The following TDRD9 variants were observed in gnomAD, a reference collection of about 807,000 sequenced individuals.
TDRD9 encodes ATP-dependent RNA helicase TDRD9.
Under a neutral mutation model 172.6 loss-of-function variants are expected in TDRD9, and 124 were observed. That is an observed-to-expected ratio of 0.72 (90% CI 0.62 to 0.83). The LOEUF is 0.83. TDRD9 is among the 40% of genes least tolerant of loss of function. The probability of loss-of-function intolerance (pLI) is 0.00; values close to 1 mark genes in which losing one functional copy is unlikely to be tolerated. For missense variants in TDRD9, 1,479 were observed against 1,714.1 expected, an observed-to-expected ratio of 0.86 and a Z score of 2.42; for synonymous variants, 619 against 617.1, an observed-to-expected ratio of 1.00 and a Z score of -0.05.
At chr14:104,009,633 AACTTGATAAACT>A (rs1283382534) in intron 20 of TDRD9, among the ~76,000 whole-genome samples, 1 of 152,220 alleles carries the variant, frequency 6.6e-6, no homozygotes, top group East Asian at 1.9e-4. Context: ...AACTTTTTTT[AACTTGATAAACT>A]TTTTAATTAA....
chr14:103,980,963 A>G lies in TDRD9; in HGVS notation c.1012-5254A>G, dbSNP rs2033450983. On this transcript the variant is annotated intron_variant, in intron 7 of 35. Coordinates refer to ENST00000409874, the MANE Select transcript of TDRD9 (RefSeq NM_153046.3). The surrounding 1 kb of genome is among the most constrained non-coding windows in gnomAD (Gnocchi z 4.5). ...ATTGTAGAGCGAGAATTATTATAAT[A>G]TTGGAATAAAGAGTAATTACTACAA... is the stretch of plus-strand genomic sequence containing the variant. Among the ~76,000 whole-genome samples, 1 of 151,954 alleles carries G rather than the reference A, an allele frequency of 6.6e-6. No individual in the cohort carries two copies. The highest frequency in any genetic ancestry group is 6.5e-5 in the Admixed American group (1 of 15,274).
At chr14:103,999,642 GAAAACCT>G (rs1468942518) in intron 13 of TDRD9, among the ~76,000 whole-genome samples, 7 of 126,040 alleles carry the variant, frequency 5.6e-5, no homozygotes, top group African/African-American at 6.2e-5. Context: ...TTGTTTTTTA[GAAAACCT>G]TTTGGGAAGG....
chr14:104,001,391 G>T (rs1358971478), intron 13 of TDRD9, among the ~76,000 whole-genome samples: 1 of 152,198 alleles, frequency 6.6e-6, no homozygotes, highest in Non-Finnish European at 1.5e-5. Flanking sequence ...GCCAATACAA[G>T]CTGCACGTAG....
At position 103,991,361 on chromosome 14, in the gene TDRD9, G is replaced by T. The variant is rs78339963; in HGVS notation, c.1180+137G>T. 4.5e-3 allele frequency: 3,987 copies of T among 883,146 alleles called. 112 individuals are homozygous for T. In the African/African-American group the frequency reaches 0.063, roughly 14 times the overall value. The allele number at this position is 883,146 out of a possible 1,614,324, so 54.7% of individuals were successfully genotyped here. Reference sequence around the variant, plus strand: ...TTACACTTTGAGTATGTGAACAAATGTAACTTTCAGTTTGGCTTTTTATTG... The same window carrying T: ...TTACACTTTGAGTATGTGAACAAATTTAACTTTCAGTTTGGCTTTTTATTG... On this transcript the variant is annotated intron_variant, in intron 9 of 35. Transcript: ENST00000409874.
At position 103,938,907 on chromosome 14, in the gene TDRD9, C is replaced by A. The variant is rs770762228; in HGVS notation, c.215+10183C>A. ...CAGTTTTAAATGACGTATACCAATA[C>A]CCTCACAGGATATGAGTATTAGGTT... On this transcript the variant is annotated intron_variant, in intron 1 of 35. Coordinates refer to ENST00000409874, the MANE Select transcript of TDRD9 (RefSeq NM_153046.3). 6.6e-5 allele frequency among the ~76,000 whole-genome samples: 10 copies of A among 152,118 alleles called. No individual in the cohort carries two copies. The South Asian group carries it at 8.3e-4, about 13-fold the overall frequency.
chr14:104,014,641 G>A (rs888533769), intron 20 of TDRD9, 84 bp from the exon 21 acceptor site: 21 of 738,078 alleles, frequency 2.8e-5, no homozygotes, highest in Middle Eastern at 2.6e-4. Context: ...TACTTTACCC[G>A]TTGTGCACTT....
At chr14:103,950,611 G>A (rs775588874) in intron 1 of TDRD9, among the ~76,000 whole-genome samples, 3 of 152,200 alleles carry the variant, frequency 2.0e-5, no homozygotes, top group Non-Finnish European at 2.9e-5. Flanking sequence ...ATTTGATCAC[G>A]GGAGGTTAGA....
chr14:103,971,173 C>T (rs765306306), intron 6 of TDRD9, among the ~76,000 whole-genome samples: 13 of 150,600 alleles, frequency 8.6e-5, no homozygotes, highest in East Asian at 2.0e-4. Flanking sequence ...TTAGTAGAGG[C>T]GGGGTTTCAT....
chr14:104,050,843 T>C (rs906127173), intron 35 of TDRD9, among the ~76,000 whole-genome samples: 1 of 152,236 alleles, frequency 6.6e-6, no homozygotes, highest in Non-Finnish European at 1.5e-5. Context: ...ACTTTGAGGT[T>C]AGTATGTTTT....
intron 11 of TDRD9, among the ~76,000 whole-genome samples, chr14:103,994,954 A>C (rs80032934): frequency 2.3e-5 from 1 of 44,000 alleles, no homozygotes; most frequent in African/African-American, 4.3e-5. Flanking sequence ...GTCTCAAAAC[A>C]AAAAAAAAAA....
At chr14:104,005,907 G>C (rs1169791240) in intron 15 of TDRD9, among the ~76,000 whole-genome samples, 1 of 152,168 alleles carries the variant, frequency 6.6e-6, no homozygotes, top group Admixed American at 6.5e-5. Flanking sequence ...CAAACACTGG[G>C]CTCAAGTGAC....
At chr14:104,035,131 C>G in intron 32 of TDRD9, 75 bp downstream of exon 32, 1 of 1,195,354 alleles carries the variant, frequency 8.4e-7, no homozygotes, top group South Asian at 1.3e-5. Flanking sequence ...CCTCTCCTTG[C>G]TCCTTTTGGA....
chr14:104,037,483 C>T lies in TDRD9; in HGVS notation c.3716+2427C>T, dbSNP rs576027382. Among the ~76,000 whole-genome samples the T allele has an allele frequency of 5.3e-5, 8 of 152,290 alleles. No homozygotes were observed. In the South Asian group the frequency reaches 8.3e-4, roughly 16 times the overall value. ...TCCTGTCACAACTGATTCAACTTTA[C>T]GACTAAGTGATAATTTTTTACCACC... On this transcript the variant is annotated intron_variant, in intron 32 of 35. Coordinates refer to ENST00000409874, the MANE Select transcript of TDRD9 (RefSeq NM_153046.3).
chr14:103,956,106 AAAAAAATATATATATATATATATAT>A (rs2032203702), intron 2 of TDRD9, among the ~76,000 whole-genome samples: 2 of 43,114 alleles, frequency 4.6e-5, no homozygotes, highest in African/African-American at 9.8e-5. Flanking sequence ...AAAAAAAAAA[AAAAAAATATATATATATATATATAT>A]ATATATATAT....
chr14:103,933,780 C>T (rs1205664804), intron 1 of TDRD9, among the ~76,000 whole-genome samples: 2 of 152,190 alleles, frequency 1.3e-5, no homozygotes, highest in Non-Finnish European at 2.9e-5. Context: ...GGCATTGTGT[C>T]AGGTGACACA....
In TDRD9 at chr14:103,997,921, G is replaced by C. The variant is rs1312722991; in HGVS notation, c.1379-703G>C. On this transcript the variant is annotated intron_variant, in intron 12 of 35. Coordinates refer to ENST00000409874, the MANE Select transcript of TDRD9 (RefSeq NM_153046.3). This position sits in a 1 kb window ranked among gnomAD's most constrained non-coding sequence, Gnocchi z 5.1. ...GAAAGGATGGGAAGAAATGAACAAA[G>C]AACCGGTGGCGGCACACAACACTCC... 6.6e-6 allele frequency among the ~76,000 whole-genome samples: 1 copy of C among 152,122 alleles called. No individual in the cohort carries two copies. The highest frequency in any genetic ancestry group is 1.5e-5 in the Non-Finnish European group (1 of 68,006).
intron 32 of TDRD9, among the ~76,000 whole-genome samples, chr14:104,039,601 G>T (rs963186365): frequency 1.3e-5 from 2 of 152,228 alleles, no homozygotes; most frequent in Non-Finnish European, 2.9e-5. Flanking sequence ...ACCAAGTCCA[G>T]GTGAGAAATG....
chr14:103,974,071 G>A (rs901553065), intron 6 of TDRD9, among the ~76,000 whole-genome samples: 2 of 152,124 alleles, frequency 1.3e-5, no homozygotes, highest in Non-Finnish European at 2.9e-5. Context: ...GTGTGGTGGT[G>A]CACACATGTA....
intron 34 of TDRD9, chr14:104,049,314 G>A (rs1371494010): frequency 1.1e-5 from 2 of 179,922 alleles, no homozygotes; most frequent in African/African-American, 4.7e-5. Context: ...AAAATGTCCT[G>A]TTACATTTCA....
Sources: allele counts gnomAD v4.1 joint callset (sites outside exome capture counted in the v4.1 genomes callset), GRCh38; gene constraint gnomAD v4.1.1; non-coding constraint Gnocchi (gnomAD v3.1); transcripts MANE v1.5; gene names NCBI Gene and HGNC (gene_info 2026-07-23, HGNC 2026-07-21).